Variants in HARS1 observed in about 807,000 individuals in gnomAD.
HARS1 encodes the protein histidine--tRNA ligase, cytoplasmic.
HARS1 carries 45 observed loss-of-function variants against 63.6 expected under a neutral mutation model. The ratio of observed to expected loss-of-function variants is 0.71; its 90% CI spans 0.56 to 0.91. HARS1 has a LOEUF of 0.91. Among genes scored for constraint, HARS1 ranks in the 40% least tolerant of loss-of-function variants. The pLI is 0.00. For missense variants in HARS1, 508 were observed against 643.2 expected (o/e 0.79, Z 2.27); for synonymous variants, 205 against 247.1 (o/e 0.83, Z 1.60).
At position 140,683,138 on chromosome 5, in the gene HARS1, C is replaced by T. The variant is rs574448668; in HGVS notation, c.262G>A (p.Gly88Ser). The T allele has an allele frequency of 1.5e-5, 25 of 1,614,034 alleles. No homozygotes were observed. The highest frequency in any genetic ancestry group is 2.2e-5 in the East Asian group (1 of 44,892). ...DVIIRCFKRH[G>S]AEVIDTPVFE... ...ACAGGTGTATCAATGACTTCTGCAC[C>T]GTGGCGCTTGAAGCAACGGATGATT... is the stretch of plus-strand genomic sequence containing the variant. The change falls in exon 3 of 13, where the codon GGT becomes AGT. Residue 88 changes from glycine to serine, a missense_variant. Coordinates refer to ENST00000504156, the MANE Select transcript of HARS1 (RefSeq NM_002109.6).
At chr5:140,677,184 G>C (rs1758430037) in intron 8 of HARS1, 68 bp from the exon 9 acceptor site, 2 of 1,557,690 alleles carry the variant, frequency 1.3e-6, no homozygotes, top group Non-Finnish European at 1.8e-6. Context: ...TGACCTTCTT[G>C]CCTGGACTCT....
Position 140,683,200 on chromosome 5 carries a change from G to A in HARS1, c.200C>T (p.Pro67Leu), listed in dbSNP as rs1758824887. Residue 67 changes from proline (P) to leucine (L), a missense_variant, in exon 3 of 13, where the codon CCC becomes CTC. By Grantham distance (98) the Pro-to-Leu change is moderately conservative. Coordinates refer to ENST00000504156, the MANE Select transcript of HARS1 (RefSeq NM_002109.6). ...CTTCTCGCGAACTGCCATCTGCCGG[G>A]GACTATAGTCTCTTGTGCCCTTGGA... Reference protein sequence around the residue: ...KTPKGTRDYSPRQMAVREKVF... With the variant: ...KTPKGTRDYSLRQMAVREKVF... The A allele has an allele frequency of 1.9e-6, 3 of 1,613,836 alleles. No homozygotes were observed. The highest frequency in any genetic ancestry group is 1.1e-5 in the South Asian group (1 of 91,068).
rs1435212159 is a variant in HARS1, at chr5:140,676,795, G to T, written c.1053C>A (p.Pro351=). 6.2e-7 allele frequency: 1 copy of T among 1,614,086 alleles called. No individual in the cohort carries two copies. Among genetic ancestry groups the T allele is most frequent in the Non-Finnish European group, 8.5e-7 (1 of 1,180,036 alleles). Residue 351 remains proline (P), a synonymous_variant, in exon 10 of 13, where the codon CCC becomes CCA. Coordinates refer to ENST00000504156, the MANE Select transcript of HARS1 (RefSeq NM_002109.6). This position sits in a 1 kb window ranked among gnomAD's most constrained non-coding sequence, Gnocchi z 4.1. ...CAGCAGCCACACTGCCCACACCCAG[G>T]GGCTCTTCCCCTGCCTGGGCTGGGG... ...LQTPAQAGEE[P]LGVGSVAAGG...
Position 140,673,911 on chromosome 5 carries a change from G to C in HARS1, c.*346C>G. The C allele has an allele frequency of 5.4e-6, 3 of 559,288 alleles. No individual in the cohort carries two copies. In the South Asian group the frequency reaches 6.2e-5, roughly 11 times the overall value. The allele number at this position is 559,288 out of a possible 1,614,324, so 34.6% of individuals were successfully genotyped here. On this transcript the variant is annotated 3_prime_UTR_variant, in exon 13 of 13. Coordinates refer to ENST00000504156, the MANE Select transcript of HARS1 (RefSeq NM_002109.6). ...ATCACTGACACACGCAGACTCCGTG[G>C]TTGAGGCATTTTATTGGACCTTTGG... is the stretch of plus-strand genomic sequence containing the variant.
chr5:140,690,862 G>C lies in HARS1; in HGVS notation c.173C>G (p.Thr58Ser). The stretch of plus-strand genomic sequence containing the variant: ...CTACAGGAATGATATTACCTTGGGG[G>C]TTTTGAGCACAAATTTCTGTTTGCT... ...DESKQKFVLK[T>S]PKGTRDYSPR... Residue 58 changes from threonine (T) to serine (S), a missense_variant, in exon 2 of 13, where the codon ACC becomes AGC. Thr to Ser is a moderately conservative substitution (Grantham distance 58). Coordinates refer to ENST00000504156, the MANE Select transcript of HARS1 (RefSeq NM_002109.6). The C allele has an allele frequency of 6.3e-7, 1 of 1,582,546 alleles. No homozygotes were observed. The highest frequency in any genetic ancestry group is 1.3e-5 in the African/African-American group (1 of 74,464).
At chr5:140,675,795 A>G (rs940994395) in intron 10 of HARS1, 4 of 152,192 alleles carry the variant, frequency 2.6e-5, no homozygotes, top group Non-Finnish European at 5.9e-5. Flanking sequence ...GTGTGGGGAA[A>G]GGAGAATGCT....
At chr5:140,687,501 G>A (rs985962927) in intron 2 of HARS1, 3 of 152,026 alleles carry the variant, frequency 2.0e-5, no homozygotes, top group Admixed American at 2.0e-4. Flanking sequence ...AGCCAAGATC[G>A]TGACACTGAA....
chr5:140,674,527 T>C, intron 12 of HARS1, 152 bp downstream of exon 12: 1 of 909,162 alleles, frequency 1.1e-6, no homozygotes, highest in Non-Finnish European at 1.8e-6. Flanking sequence ...GATCTCACCC[T>C]ACTAAGACCA....
At position 140,674,677 on chromosome 5, in the gene HARS1, AC is replaced by A; in HGVS notation, c.1458+1del. On this transcript the variant is annotated splice_donor_variant, in intron 12 of 12. Transcript: ENST00000504156. LOFTEE classifies it high-confidence loss of function. ...CTTAGCCTTCCTGCCCACCTCCCTC[AC>A]CTCTTCCCTGCTCGTCACTGAACGG... 1 of 1,613,606 alleles carries A rather than the reference AC, an allele frequency of 6.2e-7. No homozygotes were observed. Among genetic ancestry groups the A allele is most frequent in the Non-Finnish European group, 8.5e-7 (1 of 1,179,898 alleles).
At chr5:140,685,350 G>A (rs1159717010) in intron 2 of HARS1, 2 of 152,150 alleles carry the variant, frequency 1.3e-5, no homozygotes, top group African/African-American at 4.8e-5. Context: ...TGGGGATGAT[G>A]AAAAAATTCT....
chr5:140,680,668 A>G (rs1462504560), intron 3 of HARS1, among the ~76,000 whole-genome samples: 3 of 150,430 alleles, frequency 2.0e-5, no homozygotes, highest in African/African-American at 7.3e-5. Context: ...ACATGGTGAA[A>G]CCCTGTCTCT....
Position 140,676,878 on chromosome 5 carries a change from G to C in HARS1, c.970C>G (p.Leu324Val). 1 of 1,613,860 alleles carries C rather than the reference G, an allele frequency of 6.2e-7. No homozygotes were observed. Among genetic ancestry groups the C allele is most frequent in the Non-Finnish European group, 8.5e-7 (1 of 1,179,750 alleles). Residue 324 changes from leucine (L) to valine (V), a missense_variant, in exon 10 of 13, where the codon CTT (leucine) becomes GTT (valine). Physicochemically the swap from Leu to Val is conservative, Grantham distance 32. This residue lies in a region of HARS1 where 403 missense variants were observed against 548.7 expected (regional missense o/e 0.73). Transcript: ENST00000504156. The surrounding 1 kb of genome is among the most constrained non-coding windows in gnomAD (Gnocchi z 4.1). ...GTGTAGTAATCCAGCCCTCGAGCAA[G>C]GCTCAGGTCAAAGGAGATCTGTGGA... ...IDDKISFDLSLARGLDYYTGV... is the reference protein window; with the variant it reads ...IDDKISFDLSVARGLDYYTGV...
At position 140,677,036 on chromosome 5, in the gene HARS1, G is replaced by C; in HGVS notation, c.904C>G (p.Leu302Val). Residue 302 changes from leucine (L) to valine (V), a missense_variant, in exon 9 of 13, where the codon CTG becomes GTG. Coordinates refer to ENST00000504156, the MANE Select transcript of HARS1 (RefSeq NM_002109.6). ...GTCAGGTACTCAAAGAGCAACTTCA[G>C]GTCTCCCAGGCCCTCCAAGGCCTGC... is the stretch of plus-strand genomic sequence containing the variant. The part of the protein sequence containing the change: ...NKQALEGLGD[L>V]KLLFEYLTLF... The C allele has an allele frequency of 6.2e-7, 1 of 1,614,194 alleles. No individual in the cohort carries two copies. The highest frequency in any genetic ancestry group is 8.5e-7 in the Non-Finnish European group (1 of 1,180,018).
intron 2 of HARS1, chr5:140,683,794 T>A (rs1256998898): frequency 6.5e-6 from 1 of 153,592 alleles, no homozygotes; most frequent in Non-Finnish European, 1.4e-5. Context: ...ATTGTGCCAC[T>A]GCACTCCAGC....
chr5:140,691,262 C>T lies in HARS1; in HGVS notation c.43G>A (p.Gly15Arg), dbSNP rs1394473077. Residue 15 changes from glycine to arginine, a missense_variant, in exon 1 of 13, where the codon GGA becomes AGA. Physicochemically the swap from Gly to Arg is moderately radical, Grantham distance 125 (BLOSUM62 -2). Around this residue, in one of 2 missense-constraint regions of HARS1, gnomAD observed 105 missense variants for 94.5 expected, o/e 1.11. Transcript: ENST00000504156. ...TGCTTGAGGCCTCGCACGCGCTCTCCCTGAAGTTTCACCAGCTCCTCCAGC... is the reference window on the plus strand; with the variant it reads ...TGCTTGAGGCCTCGCACGCGCTCTCTCTGAAGTTTCACCAGCTCCTCCAGC... ...AALEELVKLQGERVRGLKQQK... is the reference protein window; with the variant it reads ...AALEELVKLQRERVRGLKQQK... The T allele has an allele frequency of 8.1e-6, 13 of 1,608,730 alleles. No individual in the cohort carries two copies. The highest frequency in any genetic ancestry group is 1.1e-5 in the Non-Finnish European group (13 of 1,179,584).
chr5:140,682,656 C>T (rs1343963177), intron 3 of HARS1: 1 of 154,802 alleles, frequency 6.5e-6, no homozygotes, highest in African/African-American at 2.4e-5. Flanking sequence ...CTCCTCGGAT[C>T]CAGTGATCTT....
chr5:140,690,784 G>A (rs1759364743), intron 2 of HARS1, 71 bp downstream of exon 2: 1 of 866,260 alleles, frequency 1.2e-6, no homozygotes, highest in Non-Finnish European at 2.0e-6. Context: ...CTGGTTTAGG[G>A]AGGCAGACAT....
At chr5:140,675,309 CTGA>C in intron 10 of HARS1, 176 bp from the exon 11 acceptor site, 1 of 598,688 alleles carries the variant, frequency 1.7e-6, no homozygotes, top group Non-Finnish European at 3.0e-6. Context: ...GAGGACTGAA[CTGA>C]CTGACTTGTA....
chr5:140,677,804 C>T (rs1758477646), intron 6 of HARS1, 51 bp from the exon 7 acceptor site: 1 of 1,380,986 alleles, frequency 7.2e-7, no homozygotes, highest in Non-Finnish European at 1.0e-6. Flanking sequence ...CTTACATGAC[C>T]TGCAATAGTC....
Sources: allele counts gnomAD v4.1 joint callset (sites outside exome capture counted in the v4.1 genomes callset), GRCh38; gene constraint gnomAD v4.1.1; regional missense constraint gnomAD v4.1.1; non-coding constraint Gnocchi (gnomAD v3.1); transcripts MANE v1.5; gene names NCBI Gene and HGNC (gene_info 2026-07-23, HGNC 2026-07-21).